RGS6: variants seen among roughly 807,000 people sequenced by gnomAD.
RGS6 encodes the protein regulator of G protein signaling 6.
In RGS6, 30 loss-of-function variants were observed where a neutral mutation model predicts 78.5. The observed-to-expected ratio is 0.38, with a 90% CI of 0.29 to 0.52. The LOEUF is 0.52. Among genes scored for constraint, RGS6 ranks in the 20% least tolerant of loss-of-function variants. The pLI, the probability that RGS6 is intolerant of heterozygous loss-of-function variation, is 0.85. For synonymous variants in RGS6, 206 were observed against 206.0 expected (o/e 1.00, Z 0.00); for missense variants, 495 against 609.7 (o/e 0.81, Z 1.98).
intron 2 of RGS6, among the ~76,000 whole-genome samples, chr14:72,119,567 G>A (rs1204350112): frequency 6.6e-6 from 1 of 152,124 alleles, no homozygotes; most frequent in East Asian, 1.9e-4. Flanking sequence ...TGAAGATTAG[G>A]AAAATAACAG....
chr14:72,472,804 G>A, intron 8 of RGS6, 68 bp from the exon 9 acceptor site: 2 of 1,182,210 alleles, frequency 1.7e-6, no homozygotes, highest in Non-Finnish European at 1.2e-6. Context: ...AGCAAACGCT[G>A]GAGCAAGTGT....
intron 2 of RGS6, among the ~76,000 whole-genome samples, chr14:72,180,743 G>A (rs148178600): frequency 3.1e-4 from 47 of 152,188 alleles, no homozygotes; most frequent in Non-Finnish European, 6.0e-4. Flanking sequence ...TGATTGAATC[G>A]ATGCTGTTAT....
intron 15 of RGS6, among the ~76,000 whole-genome samples, chr14:72,525,295 C>T (rs2097103762): frequency 6.6e-6 from 1 of 152,196 alleles, no homozygotes; most frequent in Non-Finnish European, 1.5e-5. Context: ...TTCAGCAAAA[C>T]TTGGAATACC....
intron 2 of RGS6, among the ~76,000 whole-genome samples, chr14:72,158,576 C>T (rs1318650848): frequency 6.6e-6 from 1 of 152,106 alleles, no homozygotes; most frequent in Non-Finnish European, 1.5e-5. Flanking sequence ...CCTTCTCCAC[C>T]CACCATCTCC....
chr14:71,966,920 G>T (rs989111207), intron 2 of RGS6, among the ~76,000 whole-genome samples: 5 of 151,816 alleles, frequency 3.3e-5, no homozygotes, highest in Non-Finnish European at 5.9e-5. Flanking sequence ...TTCTTCAGAG[G>T]ATTGCAAATT....
chr14:72,259,902 C>T (rs367640181), intron 2 of RGS6, among the ~76,000 whole-genome samples: 3 of 77,470 alleles, frequency 3.9e-5, no homozygotes, highest in African/African-American at 2.8e-4. Flanking sequence ...CAGAGTGAGA[C>T]TCCGTCTCAA....
intron 17 of RGS6, among the ~76,000 whole-genome samples, chr14:72,548,012 T>A (rs1352456773): frequency 1.3e-5 from 2 of 152,156 alleles, no homozygotes; most frequent in Non-Finnish European, 2.9e-5. Flanking sequence ...CTCCCCCTGC[T>A]CACCTCCACG....
chr14:72,504,657 C>G (rs1366708927), intron 13 of RGS6, among the ~76,000 whole-genome samples: 3 of 152,032 alleles, frequency 2.0e-5, no homozygotes, highest in African/African-American at 7.3e-5. Context: ...ACTTTCTGAG[C>G]CCTCGCCAGA....
the RGS6 span, among the ~76,000 whole-genome samples, chr14:72,582,945 T>TAAAAAAAAAAAA: frequency 7.0e-6 from 1 of 142,362 alleles, no homozygotes; most frequent in Non-Finnish European, 1.5e-5. Context: ...GTGGACTGAG[T>TAAAAAAAAAAAA]AAAAAAAAAA....
chr14:71,910,921 GT>G, the RGS6 span, among the ~76,000 whole-genome samples: 2 of 152,208 alleles, frequency 1.3e-5, no homozygotes, highest in East Asian at 3.9e-4. Flanking sequence ...TGACACCTGA[GT>G]TTTTTTCCCA....
chr14:72,559,971 C>G (rs1252240910), intron 17 of RGS6, among the ~76,000 whole-genome samples: 2 of 152,174 alleles, frequency 1.3e-5, no homozygotes, highest in African/African-American at 2.4e-5. Flanking sequence ...CCACAGTCCC[C>G]TCTCCAGCCA....
chr14:71,978,886 C>G (rs921933256), intron 2 of RGS6, among the ~76,000 whole-genome samples: 2 of 145,876 alleles, frequency 1.4e-5, no homozygotes, highest in African/African-American at 5.0e-5. Flanking sequence ...GTGAATCCAT[C>G]TGGTCCTGGA....
At chr14:72,309,392 C>T (rs894670189) in intron 2 of RGS6, among the ~76,000 whole-genome samples, 16 of 152,188 alleles carry the variant, frequency 1.1e-4, no homozygotes, top group Non-Finnish European at 2.2e-4. Flanking sequence ...GGCACATACT[C>T]GGCTCTTAAA....
At chr14:72,619,937 G>A in the RGS6 span, 15 of 1,535,582 alleles carry the variant, frequency 9.8e-6, no homozygotes, top group Non-Finnish European at 1.1e-5. Flanking sequence ...GATTTAAACA[G>A]TACATGTGAT....
the RGS6 span, among the ~76,000 whole-genome samples, chr14:72,611,908 C>T: frequency 1.3e-5 from 2 of 152,090 alleles, no homozygotes; most frequent in African/African-American, 4.8e-5. Flanking sequence ...TCCGTGATGG[C>T]GCGATACTTG....
chr14:72,016,043 T>G (rs8003026), intron 2 of RGS6, among the ~76,000 whole-genome samples: 2,805 of 152,334 alleles, frequency 0.018, 88 homozygotes, highest in African/African-American at 0.062. Flanking sequence ...TAAACAGCCG[T>G]GCTAAATTTT....
rs540881621 is a variant in RGS6 at position 72,490,254 on chromosome 14, G to A, written c.855-4898G>A. On this transcript the variant is annotated intron_variant, in intron 12 of 17. Coordinates refer to ENST00000553525, the MANE Select transcript of RGS6 (RefSeq NM_001204424.2). ...AATGGGAGTTTCCCTGCACAAGCTC[G>A]CTCTCTTTGCCTGCTGCCATCCATG... Among the ~76,000 whole-genome samples, 29 of 152,198 alleles carry A rather than the reference G, an allele frequency of 1.9e-4. No homozygotes were observed. In the South Asian group the frequency reaches 2.5e-3, roughly 13 times the overall value.
At chr14:71,900,495 C>T in the RGS6 span, among the ~76,000 whole-genome samples, 1 of 152,152 alleles carries the variant, frequency 6.6e-6, no homozygotes, top group Non-Finnish European at 1.5e-5. Context: ...AAATATTCTT[C>T]TGTAATTTTA....
chr14:72,590,631 G>A, the RGS6 span, among the ~76,000 whole-genome samples: 12 of 152,350 alleles, frequency 7.9e-5, no homozygotes, highest in Admixed American at 7.2e-4. Context: ...TAACTGTAGA[G>A]TTGATGGAAC....
Sources: allele counts gnomAD v4.1 joint callset (sites outside exome capture counted in the v4.1 genomes callset), GRCh38; gene constraint gnomAD v4.1.1; transcripts MANE v1.5; gene names NCBI Gene and HGNC (gene_info 2026-07-23, HGNC 2026-07-21).